Variants in SUGCT observed in about 807,000 individuals in gnomAD.
The protein encoded by SUGCT is succinyl-CoA:glutarate CoA-transferase.
A neutral mutation model predicts 55.0 loss-of-function variants in SUGCT; 41 were observed. That is an observed-to-expected ratio of 0.74 (90% CI 0.58 to 0.97). The LOEUF is 0.97. Ranked by LOEUF, SUGCT falls within the 50% of genes least tolerant of loss-of-function variation. The probability of loss-of-function intolerance (pLI) is 0.00; values close to 1 mark genes in which losing one functional copy is unlikely to be tolerated. For missense variants in SUGCT, 568 were observed against 547.8 expected, an observed-to-expected ratio of 1.04 and a Z score of -0.37; for synonymous variants, 187 against 200.4, an observed-to-expected ratio of 0.93 and a Z score of 0.56.
At chr7:40,409,934 C>A (rs371553250) in intron 9 of SUGCT, among the ~76,000 whole-genome samples, 1 of 152,076 alleles carries the variant, frequency 6.6e-6, no homozygotes, top group Non-Finnish European at 1.5e-5. Context: ...CACTAGTGAA[C>A]CCTCATAATA....
intron 13 of SUGCT, among the ~76,000 whole-genome samples, chr7:40,751,140 T>G (rs1787990649): frequency 6.6e-6 from 1 of 152,128 alleles, no homozygotes; most frequent in African/African-American, 2.4e-5. Flanking sequence ...GAGGCAGACT[T>G]ATAACATGAC....
At chr7:40,723,085 A>G (rs1786432275) in intron 12 of SUGCT, among the ~76,000 whole-genome samples, 1 of 152,136 alleles carries the variant, frequency 6.6e-6, no homozygotes, top group Non-Finnish European at 1.5e-5. Context: ...AAAATGACAA[A>G]GTGCTTCCAA....
intron 12 of SUGCT, among the ~76,000 whole-genome samples, chr7:40,509,483 A>G (rs1361850852): frequency 6.6e-6 from 1 of 152,234 alleles, no homozygotes; most frequent in East Asian, 1.9e-4. Context: ...GTTCACTCCC[A>G]TTCCCTCTTT....
At chr7:40,485,774 A>G (rs1401577603) in intron 11 of SUGCT, among the ~76,000 whole-genome samples, 3 of 152,110 alleles carry the variant, frequency 2.0e-5, no homozygotes, top group African/African-American at 7.2e-5. Context: ...AGTTTTGTCA[A>G]ATTTAGTCAA....
At chr7:40,575,766 T>G (rs978578987) in intron 12 of SUGCT, among the ~76,000 whole-genome samples, 1 of 151,702 alleles carries the variant, frequency 6.6e-6, no homozygotes, top group South Asian at 2.1e-4. Context: ...GCCAACATAG[T>G]GAAACCCTGT....
chr7:40,692,375 G>C (rs1784737145), intron 12 of SUGCT, among the ~76,000 whole-genome samples: 1 of 152,222 alleles, frequency 6.6e-6, no homozygotes, highest in Middle Eastern at 3.4e-3. Flanking sequence ...AATGGATTGG[G>C]GCATAGAATA....
At chr7:40,751,581 T>G (rs962184585) in intron 13 of SUGCT, among the ~76,000 whole-genome samples, 6 of 152,224 alleles carry the variant, frequency 3.9e-5, no homozygotes, top group Admixed American at 1.3e-4. Context: ...GAAGAATCCG[T>G]AGCTAACACA....
intron 9 of SUGCT, among the ~76,000 whole-genome samples, chr7:40,372,952 T>G (rs1404784834): frequency 6.6e-6 from 1 of 152,064 alleles, no homozygotes; most frequent in Non-Finnish European, 1.5e-5. Flanking sequence ...AAGACAAATA[T>G]ATACAGACAG....
At chr7:40,721,001 C>G (rs372223728) in intron 12 of SUGCT, among the ~76,000 whole-genome samples, 1 of 152,182 alleles carries the variant, frequency 6.6e-6, no homozygotes, top group African/African-American at 2.4e-5. Context: ...TTGAAATACT[C>G]AAACATTGAG....
At chr7:40,438,593 G>A (rs1034781993) in intron 9 of SUGCT, among the ~76,000 whole-genome samples, 13 of 152,092 alleles carry the variant, frequency 8.5e-5, no homozygotes, top group Non-Finnish European at 1.8e-4. Context: ...GCAATGCTTG[G>A]TTTTGACCTT....
rs371828543 is a variant in SUGCT at position 40,529,206 on chromosome 7, A to C, written c.1089+32820A>C. The stretch of plus-strand genomic sequence containing the variant: ...ACTGGGAGTGGACAAGTAAAAGTTT[A>C]ATTGATTCTTCCAAATTCCAGAACC... On this transcript the variant is annotated intron_variant, in intron 12 of 13. Transcript: ENST00000335693. Among the ~76,000 whole-genome samples the C allele has an allele frequency of 3.3e-5, 5 of 152,310 alleles. No individual in the cohort carries two copies. The East Asian group carries it at 9.6e-4, about 29-fold the overall frequency.
At chr7:40,784,420 G>A (rs1041636070) in intron 13 of SUGCT, among the ~76,000 whole-genome samples, 4 of 152,216 alleles carry the variant, frequency 2.6e-5, no homozygotes, top group East Asian at 1.9e-4. Context: ...TTCTCATAGC[G>A]ACTTATAACA....
the SUGCT span, among the ~76,000 whole-genome samples, chr7:40,935,710 T>C: frequency 2.0e-5 from 3 of 152,236 alleles, no homozygotes; most frequent in Non-Finnish European, 1.5e-5. Context: ...TTTGCAGTCA[T>C]GTAACAAGTT....
intron 12 of SUGCT, among the ~76,000 whole-genome samples, chr7:40,552,193 C>G (rs549634277): frequency 8.1e-4 from 123 of 152,186 alleles, no homozygotes; most frequent in Non-Finnish European, 1.4e-3. Context: ...TTTAGTGCAG[C>G]CTGCGACTTG....
chr7:40,270,563 A>C (rs761787370), intron 7 of SUGCT, among the ~76,000 whole-genome samples: 1 of 152,182 alleles, frequency 6.6e-6, no homozygotes, highest in African/African-American at 2.4e-5. Flanking sequence ...TTTATTGTTT[A>C]TATGTCTGCC....
intron 12 of SUGCT, among the ~76,000 whole-genome samples, chr7:40,716,624 G>C (rs912476398): frequency 6.6e-6 from 1 of 152,022 alleles, no homozygotes; most frequent in African/African-American, 2.4e-5. Context: ...AGTAATTTTT[G>C]AGATTACTTT....
chr7:40,188,352 C>G, intron 3 of SUGCT, 143 bp from the exon 4 acceptor site: 1 of 579,710 alleles, frequency 1.7e-6, no homozygotes, highest in Non-Finnish European at 3.0e-6. Flanking sequence ...GAGAATTACC[C>G]GAACCCAGGA....
At chr7:40,518,355 A>G (rs1358591974) in intron 12 of SUGCT, among the ~76,000 whole-genome samples, 1 of 152,156 alleles carries the variant, frequency 6.6e-6, no homozygotes, top group Non-Finnish European at 1.5e-5. Context: ...GGTATGGGCT[A>G]ACAGTTATGA....
chr7:40,205,316 A>G (rs2150776662), intron 6 of SUGCT, among the ~76,000 whole-genome samples: 1 of 151,972 alleles, frequency 6.6e-6, no homozygotes, highest in African/African-American at 2.4e-5. Context: ...TTGGATTGGA[A>G]CATGGATGAA....
Sources: gnomAD v4.1 joint callset for allele counts (sites outside exome capture counted in the v4.1 genomes callset) on GRCh38, gnomAD v4.1.1 for gene constraint, MANE v1.5 for transcripts, NCBI Gene and HGNC (gene_info 2026-07-23, HGNC 2026-07-21) for gene names.